Variants in CAST observed in about 807,000 individuals in gnomAD.
The protein encoded by CAST is MIR583 host.
In CAST, 76 loss-of-function variants were observed where a neutral mutation model predicts 119.6. The ratio of observed to expected loss-of-function variants is 0.64; its 90% CI spans 0.53 to 0.77. CAST has a LOEUF of 0.77. Ranked by LOEUF, CAST falls within the 30% of genes least tolerant of loss-of-function variation. The pLI is 0.00. For synonymous variants in CAST, 319 were observed against 331.6 expected (o/e 0.96, Z 0.41); for missense variants, 953 against 946.5 (o/e 1.01, Z -0.09).
chr5:96,626,521 T>A (rs980164480), intron 1 of CAST, among the ~76,000 whole-genome samples: 1 of 152,154 alleles, frequency 6.6e-6, no homozygotes, highest in Non-Finnish European at 1.5e-5. Flanking sequence ...ATGCGCTCCC[T>A]CCTGGCAGTG....
chr5:96,216,747 C>G, the CAST span, among the ~76,000 whole-genome samples: 3 of 152,172 alleles, frequency 2.0e-5, no homozygotes, highest in Admixed American at 6.5e-5. Flanking sequence ...GCATCAAATG[C>G]TGACAGTTGC....
chr5:95,995,880 A>C, the CAST span, among the ~76,000 whole-genome samples: 2 of 152,136 alleles, frequency 1.3e-5, no homozygotes, highest in Non-Finnish European at 2.9e-5. Context: ...GTAAGAAGCC[A>C]TGGAGCAGGG....
the CAST span, among the ~76,000 whole-genome samples, chr5:96,073,604 CCATCTCAGGT>C: frequency 6.6e-6 from 1 of 152,154 alleles, no homozygotes; most frequent in Non-Finnish European, 1.5e-5. Context: ...GATGAAACTT[CCATCTCAGGT>C]CATCAGACAT....
intron 1 of CAST, chr5:96,663,003 C>T (rs1184551397): frequency 6.1e-6 from 4 of 653,024 alleles, no homozygotes; most frequent in Middle Eastern, 3.5e-4. Context: ...ACCTGGCAGC[C>T]GCCTTGGGAT....
the CAST span, chr5:96,392,971 A>C: frequency 1.1e-5 from 17 of 1,612,518 alleles, no homozygotes; most frequent in Non-Finnish European, 1.4e-5. Flanking sequence ...AGAAGCATGA[A>C]TATTTCCAAC....
the CAST span, among the ~76,000 whole-genome samples, chr5:96,146,709 C>T: frequency 6.6e-6 from 1 of 152,040 alleles, no homozygotes; most frequent in African/African-American, 2.4e-5. Flanking sequence ...GGGTAACTAA[C>T]CCTAGTGCTG....
chr5:96,596,055 T>C lies in CAST; in HGVS notation c.60+66175T>C, dbSNP rs557199398. ...TTAGGAGTGTGAGGTGTAGGAATAG[T>C]ATGGTAGGCTGAATCATGCCTCTTC... is the stretch of plus-strand genomic sequence containing the variant. On this transcript the variant is annotated intron_variant, in intron 1 of 11. Coordinates refer to the CAST transcript ENST00000505143. 2.1e-4 allele frequency among the ~76,000 whole-genome samples: 32 copies of C among 152,278 alleles called. 1 individual carries two copies. The highest frequency in any genetic ancestry group is 1.2e-3 in the Admixed American group (18 of 15,302).
In CAST at chr5:96,729,740, T is replaced by C. The variant is rs1760061551; in HGVS notation, c.549+15T>C. On this transcript the variant is annotated intron_variant, in intron 8 of 31. Coordinates refer to ENST00000675179, the MANE Select transcript of CAST (RefSeq NM_001750.7). Reference sequence around the variant, plus strand: ...CAGAACCAAAGGTAAATGAAGCAGATTGATAGGAAAACCTTAACATCAACT... The same window carrying C: ...CAGAACCAAAGGTAAATGAAGCAGACTGATAGGAAAACCTTAACATCAACT... 3 of 1,130,552 alleles carry C rather than the reference T, an allele frequency of 2.7e-6. No homozygotes were observed. The highest frequency in any genetic ancestry group is 4.1e-6 in the Non-Finnish European group (3 of 739,198). 70.0% of individuals were successfully genotyped at this position (1,130,552 alleles called of 1,614,324 possible). A position where few individuals can be genotyped will look rare whatever the true frequency, so the allele number is the denominator to read the frequency against.
chr5:96,337,843 T>C, the CAST span, among the ~76,000 whole-genome samples: 1 of 152,230 alleles, frequency 6.6e-6, no homozygotes, highest in African/African-American at 2.4e-5. Flanking sequence ...TTACTGTCTG[T>C]CTTTACAAAG....
upstream of CAST, among the ~76,000 whole-genome samples, chr5:96,521,958 A>G (rs2150175289): frequency 6.6e-6 from 1 of 152,278 alleles, no homozygotes; most frequent in East Asian, 1.9e-4. Context: ...TACTAAAAAT[A>G]CAAAAAAATT....
intron 1 of CAST, among the ~76,000 whole-genome samples, chr5:96,629,531 A>G (rs17086408): frequency 0.2 from 30,677 of 152,132 alleles, 3,565 homozygotes; most frequent in East Asian, 0.42. Flanking sequence ...TGTACCACAA[A>G]CTCTGTCTCA....
At chr5:96,662,141 T>C (rs1202612735), upstream of CAST, 6 of 378,008 alleles carry the variant, frequency 1.6e-5, no homozygotes, top group African/African-American at 1.1e-4. Context: ...ACCAGAGCAG[T>C]GCTGGGGCCG....
At chr5:96,195,255 T>G in the CAST span, among the ~76,000 whole-genome samples, 1 of 152,184 alleles carries the variant, frequency 6.6e-6, no homozygotes, top group Admixed American at 6.5e-5. Flanking sequence ...TCATTAGGAA[T>G]GTGGATGGAG....
At chr5:96,545,599 G>A (rs1253590367) in intron 1 of CAST, among the ~76,000 whole-genome samples, 2 of 152,172 alleles carry the variant, frequency 1.3e-5, no homozygotes, top group Non-Finnish European at 2.9e-5. Context: ...CCATATCAGG[G>A]CTGTGTTGGT....
chr5:96,560,449 T>C (rs1333901785), intron 1 of CAST, among the ~76,000 whole-genome samples: 11 of 151,876 alleles, frequency 7.2e-5, no homozygotes, highest in East Asian at 3.9e-4. Flanking sequence ...ATTTTTGCAA[T>C]CTACTCATCT....
At chr5:96,460,293 GAGA>G in the CAST span, among the ~76,000 whole-genome samples, 3 of 152,182 alleles carry the variant, frequency 2.0e-5, no homozygotes, top group Non-Finnish European at 4.4e-5. Flanking sequence ...TGGACACAGA[GAGA>G]AGAATTGTAA....
At position 96,773,054 on chromosome 5, in the gene CAST, T is replaced by TC. The variant is rs1312959525; in HGVS notation, c.*439dup. On this transcript the variant is annotated 3_prime_UTR_variant, in exon 32 of 32. Coordinates refer to ENST00000675179, the MANE Select transcript of CAST (RefSeq NM_001750.7). ...GTTTAGAAAACAATGTTTTAAACAT[T>TC]CTTCAGTGTTCTGATTTCTTATTAC... 1 of 153,908 alleles carries TC rather than the reference T, an allele frequency of 6.5e-6. No homozygotes were observed. Among genetic ancestry groups the TC allele is most frequent in the African/African-American group, 2.4e-5 (1 of 41,462 alleles). The allele number at this position is 153,908 out of a possible 1,614,324, so 9.5% of individuals were successfully genotyped here.
At chr5:96,770,299 G>C (rs939115901) in intron 29 of CAST, 23 of 493,480 alleles carry the variant, frequency 4.7e-5, no homozygotes, top group African/African-American at 7.7e-5. Context: ...ACGGGAATTA[G>C]AGCATCAATG....
At chr5:95,961,911 C>T in the CAST span, 2 of 721,782 alleles carry the variant, frequency 2.8e-6, no homozygotes, top group Non-Finnish European at 4.2e-6. Context: ...CGGCCCCGCG[C>T]CCCGCCCCGG....
Sources: gnomAD v4.1 joint callset for allele counts (sites outside exome capture counted in the v4.1 genomes callset) on GRCh38, gnomAD v4.1.1 for gene constraint, MANE v1.5 for transcripts, NCBI Gene and HGNC (gene_info 2026-07-23, HGNC 2026-07-21) for gene names.